DOCK4: variants seen among roughly 807,000 people sequenced by gnomAD.
The protein encoded by DOCK4 is dedicator of cytokinesis protein 4.
DOCK4 carries 97 observed loss-of-function variants against 268.1 expected under a neutral mutation model. The ratio of observed to expected loss-of-function variants is 0.36; its 90% CI spans 0.31 to 0.43. The LOEUF (loss-of-function observed/expected upper bound fraction) is 0.43, where lower values mean the gene tolerates loss of function less well. Among genes scored for constraint, DOCK4 ranks in the 20% least tolerant of loss-of-function variants. The pLI is 1.00. For synonymous variants in DOCK4, 954 were observed against 887.2 expected (o/e 1.08, Z -1.34); for missense variants, 2,145 against 2,455.7 (o/e 0.87, Z 2.67).
chr7:111,932,088 G>C (rs148978943), intron 12 of DOCK4, among the ~76,000 whole-genome samples: 264 of 152,268 alleles, frequency 1.7e-3, no homozygotes, highest in African/African-American at 6.1e-3. Flanking sequence ...CTACCATTGA[G>C]AACTTCACCA....
chr7:111,862,108 G>C (rs914546109), intron 23 of DOCK4, among the ~76,000 whole-genome samples: 1 of 152,058 alleles, frequency 6.6e-6, no homozygotes, highest in Non-Finnish European at 1.5e-5. Context: ...ACAGCAGCCT[G>C]AACAACATGG....
In DOCK4 at chr7:111,931,068, C is replaced by T. The variant is rs553798682; in HGVS notation, c.1066+4472G>A. 2.3e-4 allele frequency among the ~76,000 whole-genome samples: 35 copies of T among 152,142 alleles called. 1 individual carries two copies. The highest frequency in any genetic ancestry group is 6.8e-3 in the Middle Eastern group (2 of 294). On this transcript the variant is annotated intron_variant, in intron 12 of 52. Transcript: ENST00000428084. ...ACAGAAGGCAGATAGATGCAGGCTG[C>T]GTGGGCCTGGCTGGGCCTCAGGGTT...
At chr7:112,134,152 A>C (rs1814086467) in intron 1 of DOCK4, among the ~76,000 whole-genome samples, 1 of 152,170 alleles carries the variant, frequency 6.6e-6, no homozygotes, top group South Asian at 2.1e-4. Flanking sequence ...TAATTAGACT[A>C]AGTCTCAGAG....
At chr7:112,061,667 C>T (rs1424738680) in intron 1 of DOCK4, among the ~76,000 whole-genome samples, 2 of 150,126 alleles carry the variant, frequency 1.3e-5, no homozygotes, top group Non-Finnish European at 3.0e-5. Context: ...GAATTATAAA[C>T]GTAACTGATT....
At chr7:112,087,312 CCT>C (rs1026096970) in intron 1 of DOCK4, among the ~76,000 whole-genome samples, 2 of 152,056 alleles carry the variant, frequency 1.3e-5, no homozygotes, top group African/African-American at 4.8e-5. Context: ...AATACATACC[CCT>C]GTTTTTATGG....
chr7:111,921,597 G>A (rs935942288), intron 12 of DOCK4, among the ~76,000 whole-genome samples: 2 of 152,162 alleles, frequency 1.3e-5, no homozygotes, highest in Non-Finnish European at 2.9e-5. Flanking sequence ...TTGTTACTAA[G>A]TGTGCAGTTT....
At chr7:111,765,278 A>AT (rs1319137571) in intron 38 of DOCK4, 56 bp from the exon 39 acceptor site, 4 of 970,412 alleles carry the variant, frequency 4.1e-6, no homozygotes, top group African/African-American at 1.7e-5. Flanking sequence ...GTTCTATCAA[A>AT]TTTATAGAAT....
intron 42 of DOCK4, among the ~76,000 whole-genome samples, chr7:111,754,326 C>T (rs114971243): frequency 0.042 from 6,339 of 152,266 alleles, 157 homozygotes; most frequent in Middle Eastern, 0.078. Flanking sequence ...CTTAATTGAA[C>T]ATGATAGGCC....
chr7:111,961,710 A>G (rs1173268178), intron 8 of DOCK4, among the ~76,000 whole-genome samples: 5 of 152,340 alleles, frequency 3.3e-5, no homozygotes, highest in Non-Finnish European at 7.4e-5. Context: ...TATAACACTC[A>G]ATGTCCTAGA....
intron 1 of DOCK4, among the ~76,000 whole-genome samples, chr7:112,089,300 T>C (rs1809403320): frequency 6.6e-6 from 1 of 152,122 alleles, no homozygotes; most frequent in South Asian, 2.1e-4. Context: ...TAAGAACACC[T>C]TTGCTATATA....
rs192640143 is a variant in DOCK4 at position 111,765,294 on chromosome 7, T to C, written c.3916-72A>G. 1.2e-5 allele frequency: 11 copies of C among 921,736 alleles called. No individual in the cohort carries two copies. In the Admixed American group the frequency reaches 3.5e-4, roughly 29 times the overall value. The allele number at this position is 921,736 out of a possible 1,614,324, so 57.1% of individuals were successfully genotyped here. ...TTCTATCAAATTTATAGAATAAGAT[T>C]TCTTTTTTACATAAAGGAGAACTTT... On this transcript the variant is annotated intron_variant, in intron 38 of 52. Transcript: ENST00000428084.
At chr7:112,149,379 TAC>T (rs1464310809) in intron 1 of DOCK4, among the ~76,000 whole-genome samples, 1 of 151,842 alleles carries the variant, frequency 6.6e-6, no homozygotes, top group African/African-American at 2.4e-5. Context: ...CCTTTCAGAG[TAC>T]AGATTCTGAG....
chr7:112,015,095 G>A (rs895643869), intron 1 of DOCK4, among the ~76,000 whole-genome samples: 3 of 152,096 alleles, frequency 2.0e-5, no homozygotes, highest in Non-Finnish European at 2.9e-5. Flanking sequence ...CTAAAATACA[G>A]GTCATTAGGA....
intron 11 of DOCK4, among the ~76,000 whole-genome samples, chr7:111,936,393 G>C (rs534030390): frequency 6.6e-6 from 1 of 152,226 alleles, no homozygotes; most frequent in East Asian, 1.9e-4. Flanking sequence ...AGACTGTTAA[G>C]GTTCTTGAGG....
chr7:111,758,929 C>T, intron 40 of DOCK4, 139 bp from the exon 41 acceptor site: 1 of 754,498 alleles, frequency 1.3e-6, no homozygotes, highest in South Asian at 2.1e-5. Context: ...AAAAAATTAC[C>T]AAGAAGACGC....
chr7:112,013,230 T>A (rs1253781675), intron 1 of DOCK4, among the ~76,000 whole-genome samples: 11 of 152,238 alleles, frequency 7.2e-5, no homozygotes, highest in Admixed American at 7.2e-4. Flanking sequence ...CCATTCCCAG[T>A]GCTGACTTCT....
At chr7:111,762,162 GC>G (rs1467130562) in intron 39 of DOCK4, among the ~76,000 whole-genome samples, 1 of 151,924 alleles carries the variant, frequency 6.6e-6, no homozygotes, top group African/African-American at 2.4e-5. Flanking sequence ...AAGAAATAAA[GC>G]ATCTTCCTTA....
chr7:111,728,848 T>C (rs1031260657), intron 52 of DOCK4, 128 bp from the exon 53 acceptor site: 2 of 849,504 alleles, frequency 2.4e-6, no homozygotes, highest in African/African-American at 1.7e-5. Context: ...CAGCAGGAGA[T>C]GCAGCCTTTA....
rs1004929638 is a variant in DOCK4 at position 112,023,358 on chromosome 7, A to C, written c.38-19227T>G. 1.8e-5 allele frequency: 4 copies of C among 217,776 alleles called. No homozygotes were observed. In the Admixed American group the frequency reaches 2.1e-4, roughly 12 times the overall value. The allele number at this position is 217,776 out of a possible 1,614,324, so 13.5% of individuals were successfully genotyped here. A position where few individuals can be genotyped will look rare whatever the true frequency, so the allele number is the denominator to read the frequency against. ...AGTTTGGTGCTGAGTTAATGCAGAG[A>C]GCTTTGGCAAAAGCCTCTGTTTCCC... On this transcript the variant is annotated intron_variant, in intron 1 of 52. Coordinates refer to ENST00000428084, the MANE Select transcript of DOCK4 (RefSeq NM_001363540.2).
Sources: gnomAD v4.1 joint callset for allele counts (sites outside exome capture counted in the v4.1 genomes callset) on GRCh38, gnomAD v4.1.1 for gene constraint, MANE v1.5 for transcripts, NCBI Gene and HGNC (gene_info 2026-07-23, HGNC 2026-07-21) for gene names.